Variants in IQCK observed in about 807,000 individuals in gnomAD.
IQCK encodes the protein IQ motif containing K, also known as IQ domain-containing protein K.
IQCK carries 29 observed loss-of-function variants against 28.1 expected under a neutral mutation model. The observed-to-expected ratio is 1.03, with a 90% CI of 0.77 to 1.41. The LOEUF (loss-of-function observed/expected upper bound fraction) is 1.41. Ranked by LOEUF, IQCK falls within the 40% of genes most tolerant of loss-of-function variation. The pLI is 0.00. For missense variants in IQCK, 359 were observed against 314.7 expected, an observed-to-expected ratio of 1.14 and a Z score of -1.07; for synonymous variants, 113 against 115.1, an observed-to-expected ratio of 0.98 and a Z score of 0.12.
intron 4 of IQCK, among the ~76,000 whole-genome samples, chr16:19,740,934 C>T (rs2054824336): frequency 6.7e-6 from 1 of 150,344 alleles, no homozygotes; most frequent in African/African-American, 2.5e-5. Context: ...TGCCACTGCA[C>T]TCCAGCCTGG....
At chr16:19,736,082 G>A (rs2151685678) in intron 4 of IQCK, 1 of 455,288 alleles carries the variant, frequency 2.2e-6, no homozygotes, top group Non-Finnish European at 4.4e-6. Flanking sequence ...AAATCCCACA[G>A]AACTCTGCTT....
At chr16:19,839,997 A>C (rs1328363971) in intron 9 of IQCK, among the ~76,000 whole-genome samples, 1 of 151,680 alleles carries the variant, frequency 6.6e-6, no homozygotes, top group Non-Finnish European at 1.5e-5. Flanking sequence ...CCCTGTCTCC[A>C]AAAAAAGAAA....
intron 6 of IQCK, among the ~76,000 whole-genome samples, chr16:19,769,962 G>A (rs565473681): frequency 1.3e-5 from 2 of 152,168 alleles, no homozygotes; most frequent in African/African-American, 4.8e-5. Flanking sequence ...TCCTGGGTAT[G>A]TGGGTGGCCC....
intron 6 of IQCK, among the ~76,000 whole-genome samples, chr16:19,786,304 A>T (rs1041413098): frequency 6.6e-6 from 1 of 152,018 alleles, no homozygotes; most frequent in Non-Finnish European, 1.5e-5. Flanking sequence ...CTGTAATTCC[A>T]GTGCTTTGGG....
At chr16:19,827,565 C>A (rs1479361255), downstream of IQCK, among the ~76,000 whole-genome samples, 1 of 152,184 alleles carries the variant, frequency 6.6e-6, no homozygotes, top group African/African-American at 2.4e-5. Flanking sequence ...CTTGACCGGG[C>A]TGTGAGATGC....
chr16:19,756,798 G>T (rs1232783540), intron 4 of IQCK, among the ~76,000 whole-genome samples: 1 of 151,838 alleles, frequency 6.6e-6, no homozygotes, highest in Non-Finnish European at 1.5e-5. Context: ...TTGGGAGGCT[G>T]AGGCAGGAGA....
At chr16:19,737,600 AC>A (rs758166650) in intron 4 of IQCK, among the ~76,000 whole-genome samples, 1 of 152,108 alleles carries the variant, frequency 6.6e-6, no homozygotes, top group East Asian at 1.9e-4. Context: ...TTTGGGATAC[AC>A]CTCTGGGCCG....
intron 4 of IQCK, among the ~76,000 whole-genome samples, chr16:19,749,948 T>A (rs986460132): frequency 2.0e-5 from 3 of 152,092 alleles, no homozygotes; most frequent in Non-Finnish European, 4.4e-5. Context: ...CTTAATGATT[T>A]AGAATAGAAT....
intron 7 of IQCK, among the ~76,000 whole-genome samples, chr16:19,798,676 C>T (rs576517307): frequency 2.0e-3 from 73 of 37,124 alleles, no homozygotes; most frequent in Non-Finnish European, 2.5e-3. Flanking sequence ...TTGTCTAAAA[C>T]GTATATATAT....
Position 19,823,364 on chromosome 16 carries a change from G to A in IQCK, c.691-3662G>A, listed in dbSNP as rs182260065. ...TTCACCAGTTTCTCTTAAATGCTGG[G>A]TCCTGCAGGCCTAGCAGGTTTCTAT... is the stretch of plus-strand genomic sequence containing the variant. On this transcript the variant is annotated intron_variant, in intron 7 of 7. Coordinates refer to ENST00000564186, the Ensembl canonical transcript of IQCK. 1.7e-3 allele frequency among the ~76,000 whole-genome samples: 258 copies of A among 152,200 alleles called. 1 individual carries two copies. The highest frequency in any genetic ancestry group is 2.5e-3 in the Non-Finnish European group (173 of 68,010).
intron 2 of IQCK, among the ~76,000 whole-genome samples, chr16:19,732,747 G>C (rs894280308): frequency 1.3e-5 from 2 of 152,210 alleles, no homozygotes; most frequent in African/African-American, 4.8e-5. Flanking sequence ...ACAGGCGTGA[G>C]CCACCACACC....
intron 4 of IQCK, among the ~76,000 whole-genome samples, chr16:19,741,232 T>TG (rs766808632): frequency 3.9e-4 from 59 of 152,174 alleles, no homozygotes; most frequent in Non-Finnish European, 7.5e-4. Context: ...ATGGCTACAG[T>TG]GGATCTGTAG....
chr16:19,735,257 G>T (rs934907774), intron 3 of IQCK, 96 bp from the exon 4 acceptor site: 15 of 813,254 alleles, frequency 1.8e-5, no homozygotes, highest in Non-Finnish European at 3.2e-5. Context: ...TGATTGAATG[G>T]ACAGTACCTT....
intron 2 of IQCK, 74 bp from the exon 3 acceptor site, chr16:19,733,624 A>T: frequency 6.5e-7 from 1 of 1,540,210 alleles, no homozygotes; most frequent in South Asian, 1.2e-5. Context: ...TTATTCCTTC[A>T]TAAGGTTATA....
chr16:19,783,018 A>T (rs1341546662), intron 6 of IQCK, among the ~76,000 whole-genome samples: 1 of 144,614 alleles, frequency 6.9e-6, no homozygotes, highest in East Asian at 2.0e-4. Flanking sequence ...TGTGTGTGTG[A>T]GACGGAGTCT....
At chr16:19,733,085 C>G (rs763072981) in intron 2 of IQCK, among the ~76,000 whole-genome samples, 2 of 152,118 alleles carry the variant, frequency 1.3e-5, no homozygotes, top group Non-Finnish European at 2.9e-5. Flanking sequence ...GACATCTGTC[C>G]TCTGGGGCAG....
chr16:19,737,394 A>G (rs1200570660), intron 4 of IQCK, among the ~76,000 whole-genome samples: 1 of 152,092 alleles, frequency 6.6e-6, no homozygotes, highest in Non-Finnish European at 1.5e-5. Flanking sequence ...TTCCTCAGCA[A>G]TGCCTTCACA....
chr16:19,842,816 A>C (rs1488810909), intron 9 of IQCK, among the ~76,000 whole-genome samples: 1 of 152,136 alleles, frequency 6.6e-6, no homozygotes, highest in South Asian at 2.1e-4. Flanking sequence ...AATTATCTCA[A>C]ATCTTTTAAG....
intron 7 of IQCK, among the ~76,000 whole-genome samples, chr16:19,801,390 C>T (rs1449515081): frequency 8.6e-6 from 1 of 116,496 alleles, no homozygotes; most frequent in Non-Finnish European, 1.6e-5. Context: ...CTGCAGCCTC[C>T]GCCTGCTGGG....
Sources: gnomAD v4.1 joint callset for allele counts (sites outside exome capture counted in the v4.1 genomes callset) on GRCh38, gnomAD v4.1.1 for gene constraint, MANE v1.5 for transcripts, NCBI Gene and HGNC (gene_info 2026-07-23, HGNC 2026-07-21) for gene names.